LRRC71: variants seen among roughly 807,000 people sequenced by gnomAD.
The protein encoded by LRRC71 is leucine rich repeat containing 71.
Under a neutral mutation model 66.6 loss-of-function variants are expected in LRRC71, and 54 were observed. The ratio of observed to expected loss-of-function variants is 0.81; its 90% confidence interval spans 0.65 to 1.02. The LOEUF (loss-of-function observed/expected upper bound fraction) is 1.02. LRRC71 is among the 50% of genes least tolerant of loss of function. The probability of loss-of-function intolerance (pLI) is 0.00; values close to 1 mark genes in which losing one functional copy is unlikely to be tolerated. For synonymous variants in LRRC71, 323 were observed against 303.9 expected (o/e 1.06, Z -0.65); for missense variants, 724 against 718.0 (o/e 1.01, Z -0.10).
rs1156421699 is a variant in LRRC71 at position 156,927,241 on chromosome 1, C to A, written c.633C>A (p.Ser211=). The A allele has an allele frequency of 6.2e-7, 1 of 1,613,766 alleles. No individual in the cohort carries two copies. The highest frequency in any genetic ancestry group is 1.7e-5 in the Admixed American group (1 of 59,992). The part of the protein sequence containing the change: ...SLEGNPLPEQ[S]YHKLMALDST... ...AGGGGAACCCACTGCCGGAGCAGTC[C>A]TATCACAAGCTCATGGCCTTGGACA... is the stretch of plus-strand genomic sequence containing the variant. Residue 211 remains serine (S), a synonymous_variant, in exon 6 of 15, where the codon TCC becomes TCA. Transcript: ENST00000337428.
At chr1:156,935,920 T>A (rs1654956264), downstream of LRRC71, 2 of 1,458,972 alleles carry the variant, frequency 1.4e-6, no homozygotes, top group Non-Finnish European at 1.9e-6. Flanking sequence ...AGTGTTGGGA[T>A]CCCCCCTACC....
the LRRC71 span, chr1:156,940,122 A>T: frequency 6.2e-6 from 9 of 1,451,954 alleles, no homozygotes; most frequent in African/African-American, 8.6e-5. Flanking sequence ...GCCTTCGGGA[A>T]GGTGGAGGGT....
At chr1:156,924,207 G>A (rs1652834222) in intron 2 of LRRC71, 109 bp downstream of exon 2, 2 of 1,334,904 alleles carry the variant, frequency 1.5e-6, no homozygotes, top group South Asian at 2.7e-5. Context: ...GTGTGTGTGT[G>A]AGTCGGCGGT....
chr1:156,929,501 G>A lies in LRRC71; in HGVS notation c.1146+72G>A, dbSNP rs1571064732. On this transcript the variant is annotated intron_variant, in intron 10 of 14. Coordinates refer to ENST00000337428, the MANE Select transcript of LRRC71 (RefSeq NM_144702.3). ...GGGGGCTTCCATCATGTACAGAGGTGGTGGAGGGAAGAAGGCCACATGGGC... is the reference window on the plus strand; with the variant it reads ...GGGGGCTTCCATCATGTACAGAGGTAGTGGAGGGAAGAAGGCCACATGGGC... 16 of 1,596,986 alleles carry A rather than the reference G, an allele frequency of 1.0e-5. No individual in the cohort carries two copies. In the East Asian group the frequency reaches 3.1e-4, roughly 31 times the overall value.
intron 9 of LRRC71, 30 bp downstream of exon 9, chr1:156,928,034 C>G (rs1279168466): frequency 8.3e-6 from 13 of 1,561,688 alleles, no homozygotes; most frequent in Admixed American, 1.9e-5. Context: ...CAGGACCAGC[C>G]GAGAGCCCCT....
chr1:156,923,861 G>A, intron 1 of LRRC71, 88 bp from the exon 2 acceptor site: 1 of 1,336,162 alleles, frequency 7.5e-7, no homozygotes, highest in South Asian at 1.6e-5. Context: ...ATATCCGTCT[G>A]AGGAGGGCCC....
chr1:156,922,423 G>T (rs1652528949), intron 1 of LRRC71, among the ~76,000 whole-genome samples: 1 of 152,182 alleles, frequency 6.6e-6, no homozygotes, highest in African/African-American at 2.4e-5. Flanking sequence ...GCTGTGGCAG[G>T]GGCAGATGTG....
intron 1 of LRRC71, among the ~76,000 whole-genome samples, chr1:156,923,003 C>T (rs1258421758): frequency 6.6e-6 from 1 of 152,194 alleles, no homozygotes. Flanking sequence ...CTGCTTCGCC[C>T]ATTTGGCTGT....
intron 9 of LRRC71, among the ~76,000 whole-genome samples, chr1:156,928,347 CT>C (rs1653563821): frequency 1.3e-5 from 2 of 151,462 alleles, no homozygotes; most frequent in African/African-American, 4.9e-5. Context: ...TTTCTTCTTT[CT>C]TTCTCTTCTT....
chr1:156,920,953 C>A lies in LRRC71; in HGVS notation c.150C>A (p.Pro50=), dbSNP rs972970868. ...TVLPPVGEEE[P]KSPEEYQCSG... is the part of the protein sequence containing the mutation. ...TGCCTCCCGTGGGGGAGGAGGAGCC[C>A]AAAAGCCCTGGTACGCTGGCGCCGG... is the stretch of plus-strand genomic sequence containing the variant. Residue 50 remains proline (P), a synonymous_variant, in exon 1 of 15, where the codon CCC becomes CCA. Coordinates refer to ENST00000337428, the MANE Select transcript of LRRC71 (RefSeq NM_144702.3). The surrounding 1 kb of genome is among the most constrained non-coding windows in gnomAD (Gnocchi z 4.9). The A allele has an allele frequency of 2.6e-6, 4 of 1,526,578 alleles. No individual in the cohort carries two copies. In the African/African-American group the frequency reaches 5.6e-5, roughly 21 times the overall value. 94.6% of individuals were successfully genotyped at this position (1,526,578 alleles called of 1,614,324 possible).
chr1:156,932,847 T>C lies in LRRC71; in HGVS notation c.1564-6T>C. The C allele has an allele frequency of 6.2e-7, 1 of 1,606,380 alleles. No homozygotes were observed. The highest frequency in any genetic ancestry group is 2.2e-5 in the East Asian group (1 of 44,770). Reference sequence around the variant, plus strand: ...TGTCAGATGTCAGCCTTCCTTTTCTTTTCAGAAAAATTGCTTCGCCCCACA... The same window carrying C: ...TGTCAGATGTCAGCCTTCCTTTTCTCTTCAGAAAAATTGCTTCGCCCCACA... On this transcript the variant is annotated splice_polypyrimidine_tract_variant and splice_region_variant and intron_variant, in intron 14 of 14. Transcript: ENST00000337428.
intron 1 of LRRC71, among the ~76,000 whole-genome samples, chr1:156,922,722 A>G (rs1355458829): frequency 4.6e-5 from 7 of 152,204 alleles, no homozygotes; most frequent in African/African-American, 1.4e-4. Flanking sequence ...ATCATCTGGG[A>G]AGTTGCTAAA....
At chr1:156,921,684 C>T in intron 1 of LRRC71, 1 of 976,508 alleles carries the variant, frequency 1.0e-6, no homozygotes, top group Non-Finnish European at 1.2e-6. Context: ...ATACAATCCC[C>T]TACAGGTACG....
intron 5 of LRRC71, among the ~76,000 whole-genome samples, chr1:156,926,301 C>A (rs191342794): frequency 6.6e-6 from 1 of 152,188 alleles, no homozygotes; most frequent in South Asian, 2.1e-4. Context: ...TTTGAGGTTG[C>A]GGTACAGCTG....
chr1:156,938,799 G>A, the LRRC71 span: 1 of 422,314 alleles, frequency 2.4e-6, no homozygotes, highest in Non-Finnish European at 4.2e-6. Context: ...GAGGCAGAGT[G>A]GAATCCCAGG....
intron 5 of LRRC71, among the ~76,000 whole-genome samples, chr1:156,926,132 A>G (rs1653156293): frequency 6.6e-6 from 1 of 152,360 alleles, no homozygotes; most frequent in South Asian, 2.1e-4. Context: ...CAGCACTGTT[A>G]GAGAAGCAAC....
At position 156,927,286 on chromosome 1, in the gene LRRC71, C is replaced by T; in HGVS notation, c.662+16C>T. The T allele has an allele frequency of 6.2e-7, 1 of 1,611,908 alleles. No individual in the cohort carries two copies. On this transcript the variant is annotated intron_variant, in intron 6 of 14. Transcript: ENST00000337428. ...TGGACAGCACGTGAGACTCCCTGCC[C>T]TCACCCCCTTTCTCTGGGCCTGTCT...
chr1:156,927,712 G>C (rs1202128104), intron 7 of LRRC71, 21 bp from the exon 8 acceptor site: 4 of 1,606,460 alleles, frequency 2.5e-6, no homozygotes, highest in Non-Finnish European at 3.4e-6. Flanking sequence ...GGCGGCTCAC[G>C]CGTCCCTGCC....
At chr1:156,940,473 C>A in the LRRC71 span, 4 of 1,534,638 alleles carry the variant, frequency 2.6e-6, no homozygotes, top group Admixed American at 3.6e-5. Context: ...GGAGAGGGCA[C>A]GTATGGGAGA....
Sources: gnomAD v4.1 joint callset for allele counts (sites outside exome capture counted in the v4.1 genomes callset) on GRCh38, gnomAD v4.1.1 for gene constraint, Gnocchi (gnomAD v3.1) non-coding constraint, MANE v1.5 for transcripts, NCBI Gene and HGNC (gene_info 2026-07-23, HGNC 2026-07-21) for gene names.